LRRC37A2: variants seen among roughly 807,000 people sequenced by gnomAD.
The protein encoded by LRRC37A2 is leucine-rich repeat-containing protein 37A2.
LRRC37A2 carries 9 observed loss-of-function variants against 68.8 expected under a neutral mutation model. The ratio of observed to expected loss-of-function variants is 0.13; its 90% CI spans 0.08 to 0.23. The LOEUF (loss-of-function observed/expected upper bound fraction) is 0.23, where lower values mean the gene tolerates loss of function less well. Ranked by LOEUF, LRRC37A2 falls within the 10% of genes least tolerant of loss-of-function variation. LRRC37A2 has a pLI of 1.00. For synonymous variants in LRRC37A2, 63 were observed against 367.6 expected, an observed-to-expected ratio of 0.17 and a Z score of 9.48; for missense variants, 168 against 950.4, an observed-to-expected ratio of 0.18 and a Z score of 10.82.
chr17:46,807,486 G>A, the LRRC37A2 span, among the ~76,000 whole-genome samples: 11 of 152,210 alleles, frequency 7.2e-5, no homozygotes, highest in South Asian at 6.2e-4. Flanking sequence ...CCATCTCTAA[G>A]TAAATAAATA....
the LRRC37A2 span, among the ~76,000 whole-genome samples, chr17:46,861,248 A>G: frequency 6.6e-6 from 1 of 152,096 alleles, no homozygotes; most frequent in Non-Finnish European, 1.5e-5. Context: ...TCATTAGCTA[A>G]TTTTTCAGGT....
At chr17:46,900,754 T>C in the LRRC37A2 span, among the ~76,000 whole-genome samples, 7 of 152,308 alleles carry the variant, frequency 4.6e-5, no homozygotes, top group African/African-American at 1.7e-4. Flanking sequence ...TTGGCAGCAG[T>C]TGTATGTGTT....
At chr17:46,793,108 TA>T in the LRRC37A2 span, among the ~76,000 whole-genome samples, 136,860 of 140,444 alleles carry the variant, frequency 0.97, 66,705 homozygotes, top group South Asian at 0.99. Context: ...CTACTAAAAT[TA>T]AAAAAAAAAA....
the LRRC37A2 span, among the ~76,000 whole-genome samples, chr17:46,847,325 T>C: frequency 1.3e-5 from 2 of 152,248 alleles, no homozygotes; most frequent in Non-Finnish European, 2.9e-5. Flanking sequence ...GTGAGTTCTA[T>C]GACCTTGAGG....
the LRRC37A2 span, among the ~76,000 whole-genome samples, chr17:46,967,479 T>C: frequency 2.0e-5 from 3 of 152,328 alleles, no homozygotes; most frequent in African/African-American, 7.2e-5. Flanking sequence ...GGTGAGGTTG[T>C]ACTTGAGCTT....
the LRRC37A2 span, among the ~76,000 whole-genome samples, chr17:46,712,080 TG>T: frequency 6.6e-6 from 1 of 152,162 alleles, no homozygotes; most frequent in East Asian, 1.9e-4. Flanking sequence ...GAGAATGGAT[TG>T]GAGGGGCAAA....
At chr17:46,990,852 G>A in the LRRC37A2 span, among the ~76,000 whole-genome samples, 5 of 152,042 alleles carry the variant, frequency 3.3e-5, no homozygotes, top group African/African-American at 1.2e-4. Context: ...CATATATTTG[G>A]TAGAGACAGG....
chr17:46,972,806 T>C, the LRRC37A2 span, among the ~76,000 whole-genome samples: 1 of 152,034 alleles, frequency 6.6e-6, no homozygotes, highest in Non-Finnish European at 1.5e-5. Context: ...GTCTCTGCAG[T>C]CATATTATTA....
At chr17:47,033,427 A>G in the LRRC37A2 span, 5 of 691,020 alleles carry the variant, frequency 7.2e-6, no homozygotes, top group East Asian at 2.7e-5. Flanking sequence ...CCCCAAGTAC[A>G]TCGCGCATAT....
At chr17:46,853,299 T>C in the LRRC37A2 span, among the ~76,000 whole-genome samples, 3 of 151,582 alleles carry the variant, frequency 2.0e-5, no homozygotes, top group Non-Finnish European at 4.4e-5. Flanking sequence ...AAGATTGAGC[T>C]AGTACATGTA....
At chr17:46,769,226 G>C in the LRRC37A2 span, among the ~76,000 whole-genome samples, 5 of 148,634 alleles carry the variant, frequency 3.4e-5, no homozygotes, top group African/African-American at 1.2e-4. Context: ...TGAGGCCGGA[G>C]AATTGCTTGA....
the LRRC37A2 span, among the ~76,000 whole-genome samples, chr17:46,845,049 A>G: frequency 6.6e-6 from 1 of 152,148 alleles, no homozygotes; most frequent in Middle Eastern, 3.2e-3. Context: ...GGGTTTCACC[A>G]TGTTGACCAG....
the LRRC37A2 span, chr17:47,033,407 G>A: frequency 1.4e-6 from 1 of 692,166 alleles, no homozygotes; most frequent in Non-Finnish European, 2.6e-6. Flanking sequence ...AAGGAAAGAG[G>A]TTACTTTCTC....
chr17:46,858,032 C>G, the LRRC37A2 span, among the ~76,000 whole-genome samples: 1 of 152,160 alleles, frequency 6.6e-6, no homozygotes, highest in South Asian at 2.1e-4. Context: ...TGGATTCAAG[C>G]AATTCTTGTG....
At chr17:46,762,554 C>T in the LRRC37A2 span, 1 of 150,766 alleles carries the variant, frequency 6.6e-6, no homozygotes, top group Non-Finnish European at 1.5e-5. Context: ...AAAAAAACTG[C>T]ATGATGAAAT....
the LRRC37A2 span, among the ~76,000 whole-genome samples, chr17:46,840,233 C>A: frequency 6.6e-6 from 1 of 151,880 alleles, no homozygotes; most frequent in African/African-American, 2.4e-5. Flanking sequence ...ACTACAGGTG[C>A]CCGACACCAC....
chr17:46,985,499 G>A, the LRRC37A2 span, among the ~76,000 whole-genome samples: 4 of 141,102 alleles, frequency 2.8e-5, no homozygotes, highest in Admixed American at 7.6e-5. Flanking sequence ...CAGCCTGGGA[G>A]ACAAAGTGAG....
the LRRC37A2 span, chr17:46,929,731 G>A: frequency 6.3e-6 from 4 of 638,956 alleles, no homozygotes; most frequent in Admixed American, 9.1e-5. Context: ...AAACCCTATG[G>A]CAAAGTCACT....
chr17:46,955,073 C>T, the LRRC37A2 span, among the ~76,000 whole-genome samples: 15 of 151,472 alleles, frequency 9.9e-5, no homozygotes, highest in Non-Finnish European at 1.5e-4. Flanking sequence ...GTGGTGAGAG[C>T]GGGCATCCCT....
Sources: allele counts gnomAD v4.1 joint callset (sites outside exome capture counted in the v4.1 genomes callset), GRCh38; gene constraint gnomAD v4.1.1; transcripts MANE v1.5; gene names NCBI Gene and HGNC (gene_info 2026-07-23, HGNC 2026-07-21).